Variants in CNTN4 observed in about 807,000 individuals in gnomAD.
The protein encoded by CNTN4 is contactin-4.
A neutral mutation model predicts 122.5 loss-of-function variants in CNTN4; 77 were observed. The ratio of observed to expected loss-of-function variants is 0.63; its 90% CI spans 0.52 to 0.76. The LOEUF is 0.76. Among genes scored for constraint, CNTN4 ranks in the 30% least tolerant of loss-of-function variants. The probability of loss-of-function intolerance (pLI) is 0.00; values close to 1 mark genes in which losing one functional copy is unlikely to be tolerated. For missense variants in CNTN4, 1,256 were observed against 1,259.1 expected, an observed-to-expected ratio of 1.00 and a Z score of 0.04; for synonymous variants, 512 against 447.0, an observed-to-expected ratio of 1.15 and a Z score of -1.83.
intron 4 of CNTN4, among the ~76,000 whole-genome samples, chr3:2,629,074 A>G (rs115244650): frequency 0.021 from 3,183 of 152,314 alleles, 97 homozygotes; most frequent in African/African-American, 0.072. Context: ...CTTATGTTAC[A>G]GACTGAATGT....
At chr3:2,295,266 A>G (rs952724462) in intron 2 of CNTN4, among the ~76,000 whole-genome samples, 3 of 142,280 alleles carry the variant, frequency 2.1e-5, no homozygotes, top group Non-Finnish European at 3.0e-5. Flanking sequence ...GACTTCCACA[A>G]TGGTTGAACT....
intron 4 of CNTN4, among the ~76,000 whole-genome samples, chr3:2,712,473 A>G (rs2087209794): frequency 1.3e-5 from 2 of 152,194 alleles, no homozygotes. Context: ...CTGTAACAGA[A>G]AACCAGATTA....
chr3:2,539,161 T>C (rs1056877335), intron 3 of CNTN4, among the ~76,000 whole-genome samples: 2 of 152,090 alleles, frequency 1.3e-5, no homozygotes, highest in Non-Finnish European at 2.9e-5. Context: ...ATAAGCAAGA[T>C]GATAGTGAAA....
intron 2 of CNTN4, among the ~76,000 whole-genome samples, chr3:2,153,915 GTGTT>G (rs1040092503): frequency 2.6e-5 from 4 of 152,212 alleles, no homozygotes; most frequent in African/African-American, 9.6e-5. Context: ...ACTTAAAAAA[GTGTT>G]TGTGATCAAA....
intron 3 of CNTN4, among the ~76,000 whole-genome samples, chr3:2,531,847 A>G (rs12636309): frequency 0.1 from 15,162 of 152,200 alleles, 1,555 homozygotes; most frequent in East Asian, 0.52. Context: ...TATTCATAAT[A>G]AGAACTTATG....
At chr3:2,508,329 G>T (rs1196652713) in intron 3 of CNTN4, among the ~76,000 whole-genome samples, 1 of 152,172 alleles carries the variant, frequency 6.6e-6, no homozygotes, top group East Asian at 1.9e-4. Context: ...CTCAGCTTTT[G>T]ACTCTGACTT....
chr3:2,563,883 G>A (rs1437305421), intron 3 of CNTN4, among the ~76,000 whole-genome samples: 1 of 151,494 alleles, frequency 6.6e-6, no homozygotes, highest in East Asian at 1.9e-4. Flanking sequence ...TGTTATTAAA[G>A]AGGAAATAAC....
At chr3:2,964,893 G>T (rs1217010904) in intron 13 of CNTN4, among the ~76,000 whole-genome samples, 1 of 152,028 alleles carries the variant, frequency 6.6e-6, no homozygotes, top group East Asian at 1.9e-4. Flanking sequence ...TCATCTGTCT[G>T]GACCACATTC....
intron 2 of CNTN4, among the ~76,000 whole-genome samples, chr3:2,320,947 A>C (rs1054869217): frequency 6.6e-6 from 1 of 152,140 alleles, no homozygotes; most frequent in Non-Finnish European, 1.5e-5. Context: ...TGGAATTACT[A>C]TCATTCCTAA....
In CNTN4 at chr3:2,196,596, A is replaced by T. The variant is rs191491874; in HGVS notation, c.-145+95957A>T. Among the ~76,000 whole-genome samples, 11 of 152,200 alleles carry T rather than the reference A, an allele frequency of 7.2e-5. No individual in the cohort carries two copies. The East Asian group carries it at 2.1e-3, about 29-fold the overall frequency. ...GTTGGTACCATTCATTCATCATTCAACAGTTACTAGTACGTACCCTATACC... is the reference window on the plus strand; with the variant it reads ...GTTGGTACCATTCATTCATCATTCATCAGTTACTAGTACGTACCCTATACC... On this transcript the variant is annotated intron_variant, in intron 2 of 24. Transcript: ENST00000418658.
At chr3:2,466,744 AT>A (rs1433365312) in intron 3 of CNTN4, among the ~76,000 whole-genome samples, 3 of 152,170 alleles carry the variant, frequency 2.0e-5, no homozygotes, top group Non-Finnish European at 4.4e-5. Flanking sequence ...AAATTAAATT[AT>A]TTAATACAAA....
In CNTN4 at chr3:2,994,594, C is replaced by CATATATAT. The variant is rs35069373; in HGVS notation, c.1486+6135_1486+6142dup. Among the ~76,000 whole-genome samples, 593 of 144,644 alleles carry CATATATAT rather than the reference C, an allele frequency of 4.1e-3. 4 individuals are homozygous for CATATATAT. The highest frequency in any genetic ancestry group is 0.01 in the African/African-American group (405 of 39,310). The allele number at this position is 144,644 out of a possible 152,430, so 94.9% of individuals were successfully genotyped here. A position where few individuals can be genotyped will look rare whatever the true frequency, so the allele number is the denominator to read the frequency against. On this transcript the variant is annotated intron_variant, in intron 14 of 24. Transcript: ENST00000418658. Reference sequence around the variant, plus strand: ...TTATGTTTAAATCAACAGATTTTTTCATATATATATATATATATATGTGTG... The same window carrying CATATATAT: ...TTATGTTTAAATCAACAGATTTTTTCATATATATATATATATATATATATATATGTGTG...
At chr3:2,694,220 G>T (rs2085895045) in intron 4 of CNTN4, among the ~76,000 whole-genome samples, 4 of 152,082 alleles carry the variant, frequency 2.6e-5, no homozygotes. Context: ...ATAGTTCCTT[G>T]CTCCTACCAT....
chr3:2,507,132 C>T (rs1349271250), intron 3 of CNTN4, among the ~76,000 whole-genome samples: 4 of 152,102 alleles, frequency 2.6e-5, no homozygotes, highest in African/African-American at 7.2e-5. Flanking sequence ...TATACTTAGT[C>T]GGGTTTTAAT....
chr3:2,327,153 T>TGTCTG (rs1559455687), intron 2 of CNTN4, among the ~76,000 whole-genome samples: 2 of 114,004 alleles, frequency 1.8e-5, no homozygotes, highest in African/African-American at 6.1e-5. Context: ...GTGTGTGTGT[T>TGTCTG]TGTGTGTGTG....
At chr3:3,041,740 T>C (rs976905440) in intron 20 of CNTN4, among the ~76,000 whole-genome samples, 10 of 152,122 alleles carry the variant, frequency 6.6e-5, no homozygotes, top group African/African-American at 2.4e-4. Context: ...TGTGGGAGGA[T>C]AGCATGAGCC....
intron 3 of CNTN4, among the ~76,000 whole-genome samples, chr3:2,501,785 C>T (rs1194373731): frequency 2.6e-5 from 4 of 152,056 alleles, no homozygotes; most frequent in East Asian, 3.9e-4. Flanking sequence ...AAAGTACAGG[C>T]GGAGCATTCC....
intron 4 of CNTN4, among the ~76,000 whole-genome samples, chr3:2,575,620 C>T (rs1230480519): frequency 6.6e-6 from 1 of 152,108 alleles, no homozygotes; most frequent in Admixed American, 6.5e-5. Context: ...CCCCAGGACC[C>T]ACCGTCTAAC....
intron 2 of CNTN4, among the ~76,000 whole-genome samples, chr3:2,163,754 T>C (rs147481485): frequency 8.7e-4 from 133 of 152,216 alleles, no homozygotes; most frequent in African/African-American, 3.1e-3. Flanking sequence ...ATGCTTCACA[T>C]CACTAGTTAT....
Sources: allele counts gnomAD v4.1 joint callset (sites outside exome capture counted in the v4.1 genomes callset), GRCh38; gene constraint gnomAD v4.1.1; transcripts MANE v1.5; gene names NCBI Gene and HGNC (gene_info 2026-07-23, HGNC 2026-07-21).